Variants in SPECC1 observed in about 807,000 individuals in gnomAD.
SPECC1 encodes sperm antigen with calponin homology and coiled-coil domains 1, also known as cytospin-B.
A neutral mutation model predicts 104.1 loss-of-function variants in SPECC1; 62 were observed. That is an observed-to-expected ratio of 0.60 (90% CI 0.49 to 0.74). The LOEUF is 0.74. Among genes scored for constraint, SPECC1 ranks in the 30% least tolerant of loss-of-function variants. The pLI, the probability that SPECC1 is intolerant of heterozygous loss-of-function variation, is 0.00. For synonymous variants in SPECC1, 513 were observed against 501.6 expected (o/e 1.02, Z -0.30); for missense variants, 1,306 against 1,310.5 (o/e 1.00, Z 0.05).
rs142712325 is a variant in SPECC1 at position 20,247,308 on chromosome 17, T to A, written c.2587T>A (p.Ser863Thr). 1.1e-5 allele frequency: 17 copies of A among 1,612,842 alleles called. No individual in the cohort carries two copies. Among genetic ancestry groups the A allele is most frequent in the Admixed American group, 1.7e-5 (1 of 59,944 alleles). The change falls in exon 9 of 15, where the codon TCT becomes ACT. Residue 863 changes from serine to threonine, a missense_variant. Physicochemically the swap from Ser to Thr is moderately conservative, Grantham distance 58. Coordinates refer to ENST00000395527, the MANE Select transcript of SPECC1 (RefSeq NM_001243439.2). ...PVRTAPAAAV[S>T]PMQRHSTYSS... ...GAGGACTGCTCCAGCAGCTGCTGTCTCTCCAATGCAGGTAGATGAGCCCCA... is the reference window on the plus strand; with the variant it reads ...GAGGACTGCTCCAGCAGCTGCTGTCACTCCAATGCAGGTAGATGAGCCCCA...
chr17:20,311,076 C>T (rs1315508512), intron 14 of SPECC1, among the ~76,000 whole-genome samples: 1 of 149,306 alleles, frequency 6.7e-6, no homozygotes, highest in Admixed American at 6.7e-5. Flanking sequence ...CTGCACATAC[C>T]TTGTTAGATT....
chr17:20,022,270 C>G (rs542370714), intron 1 of SPECC1, among the ~76,000 whole-genome samples: 1 of 152,118 alleles, frequency 6.6e-6, no homozygotes, highest in East Asian at 1.9e-4. Flanking sequence ...TTGCATCTGT[C>G]TGTTTACTAC....
intron 12 of SPECC1, among the ~76,000 whole-genome samples, chr17:20,267,637 G>T (rs1158775548): frequency 2.0e-5 from 3 of 152,066 alleles, no homozygotes; most frequent in Non-Finnish European, 2.9e-5. Flanking sequence ...GAAGAGGGAG[G>T]GGGCACGTGA....
At chr17:20,111,822 C>T (rs1273524180) in intron 3 of SPECC1, 19 of 827,578 alleles carry the variant, frequency 2.3e-5, no homozygotes, top group South Asian at 6.7e-5. Flanking sequence ...GGGGGCAGCG[C>T]GATGAGGTGG....
chr17:20,163,708 A>G (rs1296386443), intron 3 of SPECC1, among the ~76,000 whole-genome samples: 1 of 151,950 alleles, frequency 6.6e-6, no homozygotes, highest in African/African-American at 2.4e-5. Flanking sequence ...CTACAGGAGC[A>G]TGTCACCACC....
intron 3 of SPECC1, among the ~76,000 whole-genome samples, chr17:20,116,803 CTTTTTTTT>C (rs58127201): frequency 9.1e-4 from 46 of 50,420 alleles, no homozygotes; most frequent in Middle Eastern, 0.018. Flanking sequence ...TGTCTGGAGA[CTTTTTTTT>C]TTTTTTTTTT....
At chr17:20,213,643 G>A (rs771970216) in intron 4 of SPECC1, among the ~76,000 whole-genome samples, 1 of 152,198 alleles carries the variant, frequency 6.6e-6, no homozygotes, top group Non-Finnish European at 1.5e-5. Context: ...ACCTCTACCT[G>A]AGTCTTGAGG....
At chr17:20,165,535 T>C (rs551578781) in intron 3 of SPECC1, among the ~76,000 whole-genome samples, 3 of 152,264 alleles carry the variant, frequency 2.0e-5, no homozygotes, top group Non-Finnish European at 4.4e-5. Context: ...CATGTATCTT[T>C]ATAACAGAAT....
chr17:20,192,435 T>C (rs969737257), intron 3 of SPECC1, among the ~76,000 whole-genome samples: 5 of 152,224 alleles, frequency 3.3e-5, no homozygotes, highest in African/African-American at 9.6e-5. Context: ...ATTCCTCTTA[T>C]GATAGATGAG....
intron 3 of SPECC1, among the ~76,000 whole-genome samples, chr17:20,154,717 G>C (rs988438681): frequency 2.0e-5 from 3 of 152,210 alleles, no homozygotes; most frequent in Non-Finnish European, 4.4e-5. Context: ...GGACTATAAA[G>C]AGGCAAGGGC....
intron 12 of SPECC1, among the ~76,000 whole-genome samples, chr17:20,283,995 ATCCTT>A (rs1056552251): frequency 1.3e-5 from 2 of 152,122 alleles, no homozygotes; most frequent in African/African-American, 4.8e-5. Context: ...AGATTTCTTA[ATCCTT>A]TCCTTTATAC....
chr17:20,242,663 A>G (rs559884701), intron 7 of SPECC1, among the ~76,000 whole-genome samples: 2 of 152,354 alleles, frequency 1.3e-5, no homozygotes, highest in African/African-American at 4.8e-5. Context: ...AGAACCTTGT[A>G]TATCTCTCAC....
intron 1 of SPECC1, among the ~76,000 whole-genome samples, chr17:20,047,039 A>C (rs1327765112): frequency 6.6e-6 from 1 of 152,180 alleles, no homozygotes; most frequent in Admixed American, 6.5e-5. Context: ...GGTAGATGGG[A>C]CCAGACTGAT....
chr17:20,127,232 C>T (rs1801299997), intron 3 of SPECC1, among the ~76,000 whole-genome samples: 1 of 152,270 alleles, frequency 6.6e-6, no homozygotes, highest in Non-Finnish European at 1.5e-5. Flanking sequence ...TTTGAAATCT[C>T]CCATTTCTAC....
intron 1 of SPECC1, among the ~76,000 whole-genome samples, chr17:20,086,318 C>G (rs921864460): frequency 1.3e-5 from 2 of 152,194 alleles, no homozygotes; most frequent in South Asian, 4.1e-4. Context: ...GTCTCTCCCC[C>G]TAGGCCAAGT....
At chr17:20,268,580 T>A (rs1266298966) in intron 12 of SPECC1, among the ~76,000 whole-genome samples, 1 of 152,244 alleles carries the variant, frequency 6.6e-6, no homozygotes, top group Non-Finnish European at 1.5e-5. Flanking sequence ...TTTCCCTGAC[T>A]TAGATGATAG....
chr17:20,106,808 G>A (rs1248975949), intron 2 of SPECC1, among the ~76,000 whole-genome samples: 1 of 152,184 alleles, frequency 6.6e-6, no homozygotes, highest in East Asian at 1.9e-4. Flanking sequence ...AGCAGCATGA[G>A]AACAGACTAA....
rs1009504631 is a variant in SPECC1 at position 20,009,696 on chromosome 17, C to T, written c.-22+272C>T. On this transcript the variant is annotated intron_variant, in intron 1 of 14. Coordinates refer to ENST00000395527, the MANE Select transcript of SPECC1 (RefSeq NM_001243439.2). This position sits in a 1 kb window ranked among gnomAD's most constrained non-coding sequence, Gnocchi z 5.2. ...TGCCGCAGGTGGCAGCGGCAGGTGG[C>T]CGCCTCCTCCCCTCCGGGCCCGAGG... 1.3e-4 allele frequency among the ~76,000 whole-genome samples: 20 copies of T among 152,100 alleles called. No individual in the cohort carries two copies. Among genetic ancestry groups the T allele is most frequent in the African/African-American group, 4.6e-4 (19 of 41,442 alleles).
At chr17:20,256,065 G>T (rs889377188) in intron 10 of SPECC1, among the ~76,000 whole-genome samples, 2 of 151,822 alleles carry the variant, frequency 1.3e-5, no homozygotes, top group Non-Finnish European at 2.9e-5. Context: ...TTTTAGTAGA[G>T]ATGGGGTTTC....
Sources: gnomAD v4.1 joint callset for allele counts (sites outside exome capture counted in the v4.1 genomes callset) on GRCh38, gnomAD v4.1.1 for gene constraint, Gnocchi (gnomAD v3.1) non-coding constraint, MANE v1.5 for transcripts, NCBI Gene and HGNC (gene_info 2026-07-23, HGNC 2026-07-21) for gene names.